The following CCL24 variants were observed in gnomAD, a reference collection of about 807,000 sequenced individuals.
The protein encoded by CCL24 is C-C motif chemokine 24.
In CCL24, 6 loss-of-function variants were observed where a neutral mutation model predicts 8.6. The ratio of observed to expected loss-of-function variants is 0.70; its 90% CI spans 0.38 to 1.38. CCL24 has a LOEUF of 1.38. Ranked by LOEUF, CCL24 falls within the 40% of genes most tolerant of loss-of-function variation. The pLI is 0.02. For missense variants in CCL24, 126 were observed against 147.1 expected, an observed-to-expected ratio of 0.86 and a Z score of 0.74; for synonymous variants, 59 against 52.7, an observed-to-expected ratio of 1.12 and a Z score of -0.52.
intron 1 of CCL24, among the ~76,000 whole-genome samples, chr7:75,819,342 A>T: frequency 9.1e-6 from 1 of 110,294 alleles, no homozygotes; most frequent in Admixed American, 9.7e-5. Flanking sequence ...ATATATTCAT[A>T]GGCTGGGCGA....
chr7:75,817,163 G>GCT (rs1803910477), upstream of CCL24, among the ~76,000 whole-genome samples: 2 of 152,070 alleles, frequency 1.3e-5, no homozygotes, highest in African/African-American at 4.8e-5. Flanking sequence ...ACTGTGCCCA[G>GCT]CTCATCATGA....
rs1319095620 is a variant in CCL24 at position 75,811,618 on chromosome 7, C to A, written c.*178G>T. On this transcript the variant is annotated 3_prime_UTR_variant, in exon 3 of 3. Transcript: ENST00000222902. ...TGGATGCTTGGAGCCATTGCTCAGCCCCCGGGAACCACATCACCTGCTCCC... is the reference window on the plus strand; with the variant it reads ...TGGATGCTTGGAGCCATTGCTCAGCACCCGGGAACCACATCACCTGCTCCC... The A allele has an allele frequency of 2.5e-5, 14 of 554,124 alleles. No homozygotes were observed. The East Asian group carries it at 3.5e-4, about 14-fold the overall frequency. The allele number at this position is 554,124 out of a possible 1,614,324, so 34.3% of individuals were successfully genotyped here.
At chr7:75,818,433 T>TGAGA (rs1803941045), upstream of CCL24, among the ~76,000 whole-genome samples, 1 of 129,318 alleles carries the variant, frequency 7.7e-6, no homozygotes, top group African/African-American at 3.0e-5. Flanking sequence ...GGTGACAGAG[T>TGAGA]GAGACTCCGT....
At chr7:75,814,341 G>A (rs1384189611), upstream of CCL24, among the ~76,000 whole-genome samples, 1 of 152,076 alleles carries the variant, frequency 6.6e-6, no homozygotes, top group Non-Finnish European at 1.5e-5. Flanking sequence ...TCAAGTGGGA[G>A]GATCATTTGA....
chr7:75,820,018 ACTTCTTCTTCTTCTT>A (rs1204717433), intron 1 of CCL24, among the ~76,000 whole-genome samples: 1,163 of 104,786 alleles, frequency 0.011, 30 homozygotes, highest in Non-Finnish European at 0.017. Flanking sequence ...TTAGTAAACT[ACTTCTTCTTCTTCTT>A]CTTCTTCTTC....
chr7:75,822,378 T>C (rs1554535204), intron 1 of CCL24, among the ~76,000 whole-genome samples: 1 of 152,204 alleles, frequency 6.6e-6, no homozygotes, highest in Non-Finnish European at 1.5e-5. Context: ...GGTGTGTGAC[T>C]GTGCACCTCC....
intron 1 of CCL24, among the ~76,000 whole-genome samples, chr7:75,821,517 G>T (rs1554535081): frequency 6.6e-6 from 1 of 152,176 alleles, no homozygotes; most frequent in Non-Finnish European, 1.5e-5. Context: ...AAACTTGAGT[G>T]CATGTGTTGG....
intron 1 of CCL24, among the ~76,000 whole-genome samples, chr7:75,819,707 T>C (rs1290829228): frequency 6.6e-6 from 1 of 151,566 alleles, no homozygotes; most frequent in Non-Finnish European, 1.5e-5. Context: ...CTAATTAGGG[T>C]AAAAGTAGAC....
chr7:75,816,684 C>T (rs1803898255), upstream of CCL24, among the ~76,000 whole-genome samples: 1 of 151,556 alleles, frequency 6.6e-6, no homozygotes, highest in African/African-American at 2.4e-5. Flanking sequence ...GCCTCAGCCT[C>T]CCCAGTAGCT....
At chr7:75,818,096 G>A (rs1554534417), upstream of CCL24, among the ~76,000 whole-genome samples, 1 of 152,134 alleles carries the variant, frequency 6.6e-6, no homozygotes, top group Non-Finnish European at 1.5e-5. Context: ...CTCCCAAAGT[G>A]CTGGGATGAC....
intron 1 of CCL24, among the ~76,000 whole-genome samples, chr7:75,820,913 A>G (rs1554535022): frequency 1.3e-5 from 2 of 149,410 alleles, no homozygotes; most frequent in African/African-American, 2.5e-5. Context: ...CCATCCATCT[A>G]TCCATCAATT....
At chr7:75,822,955 G>A (rs1341665834) in intron 1 of CCL24, among the ~76,000 whole-genome samples, 2 of 152,200 alleles carry the variant, frequency 1.3e-5, no homozygotes, top group African/African-American at 4.8e-5. Flanking sequence ...CCCTTGTCAT[G>A]GTGCCAGGCA....
intron 1 of CCL24, among the ~76,000 whole-genome samples, chr7:75,820,136 CCTCCTCCTCCTCCTCCTTCTCCTT>C (rs1300741952): frequency 4.8e-5 from 4 of 82,832 alleles, no homozygotes; most frequent in African/African-American, 1.6e-4. Flanking sequence ...TTCTTCTCCT[CCTCCTCCTCCTCCTCCTTCTCCTT>C]CTCCTTCTCC....
At chr7:75,819,394 G>A (rs1477678173) in intron 1 of CCL24, among the ~76,000 whole-genome samples, 1 of 137,038 alleles carries the variant, frequency 7.3e-6, no homozygotes, top group Non-Finnish European at 1.5e-5. Context: ...GGAGGCTGAG[G>A]CAGGAGGATT....
At chr7:75,812,535 G>C (rs886766612) in intron 2 of CCL24, among the ~76,000 whole-genome samples, 1 of 152,134 alleles carries the variant, frequency 6.6e-6, no homozygotes, top group Non-Finnish European at 1.5e-5. Flanking sequence ...TGTAAAATGG[G>C]AACAATCATC....
At chr7:75,822,110 A>T (rs1197842077) in intron 1 of CCL24, among the ~76,000 whole-genome samples, 1 of 152,044 alleles carries the variant, frequency 6.6e-6, no homozygotes, top group Non-Finnish European at 1.5e-5. Context: ...TCAAAAAAAA[A>T]AGAAAAAAAA....
chr7:75,811,979 G>C lies in CCL24; in HGVS notation c.192-15C>G. 6.2e-7 allele frequency: 1 copy of C among 1,608,946 alleles called. No homozygotes were observed. Among genetic ancestry groups the C allele is most frequent in the Non-Finnish European group, 8.5e-7 (1 of 1,178,934 alleles). ...TGGTGGTGAAGCTGTGGAAGAAAGG[G>C]ACAGGGGATCAGCTGAGGTCGACAG... On this transcript the variant is annotated splice_polypyrimidine_tract_variant and intron_variant, in intron 2 of 2. Transcript: ENST00000222902.
rs1414525811 is a variant in CCL24, at chr7:75,810,889, C to G, written c.*907G>C. ...TTTGAGAACAGCAACTGTGTCTACA[C>G]TCTTGATAAACCCACACAGTATATC... On this transcript the variant is annotated 3_prime_UTR_variant, in exon 3 of 3. Transcript: ENST00000222902. Among the ~76,000 whole-genome samples the G allele has an allele frequency of 6.6e-6, 1 of 151,910 alleles. No individual in the cohort carries two copies. Among genetic ancestry groups the G allele is most frequent in the Non-Finnish European group, 1.5e-5 (1 of 67,982 alleles).
chr7:75,816,023 C>A (rs1715888794), upstream of CCL24, among the ~76,000 whole-genome samples: 1 of 152,144 alleles, frequency 6.6e-6, no homozygotes, highest in Non-Finnish European at 1.5e-5. Context: ...CGATGTAAGA[C>A]CCACACAGTG....
Sources: allele counts gnomAD v4.1 joint callset (sites outside exome capture counted in the v4.1 genomes callset), GRCh38; gene constraint gnomAD v4.1.1; transcripts MANE v1.5; gene names NCBI Gene and HGNC (gene_info 2026-07-23, HGNC 2026-07-21).